Variants in CYP3A7 observed in about 807,000 individuals in gnomAD.
CYP3A7 encodes the protein cytochrome P450 3A7.
CYP3A7 carries 45 observed loss-of-function variants against 55.2 expected under a neutral mutation model. The ratio of observed to expected loss-of-function variants is 0.82; its 90% CI spans 0.64 to 1.05. The LOEUF (loss-of-function observed/expected upper bound fraction) is 1.05, where lower values mean the gene tolerates loss of function less well. CYP3A7 is among the 50% of genes least tolerant of loss of function. The pLI is 0.00. For synonymous variants in CYP3A7, 180 were observed against 207.4 expected (o/e 0.87, Z 1.13); for missense variants, 548 against 605.3 (o/e 0.91, Z 0.99).
intron 6 of CYP3A7, 35 bp from the exon 7 acceptor site, chr7:99,715,941 C>T: frequency 6.2e-7 from 1 of 1,612,866 alleles, no homozygotes. Context: ...TTAAAATCAG[C>T]ACCTCTTTAC....
chr7:99,717,659 G>C lies in CYP3A7; in HGVS notation c.319-20C>G, dbSNP rs772759971. The stretch of plus-strand genomic sequence containing the variant: ...GAAAGGCTAGAGTTCAAAGCAGAAA[G>C]ATTTTGTCCTACATCAGTTGTGGAG... On this transcript the variant is annotated intron_variant, in intron 4 of 12. Coordinates refer to ENST00000336374, the MANE Select transcript of CYP3A7 (RefSeq NM_000765.5). The C allele has an allele frequency of 8.7e-6, 14 of 1,612,682 alleles. No homozygotes were observed. Among genetic ancestry groups the C allele is most frequent in the Non-Finnish European group, 1.1e-5 (13 of 1,179,192 alleles).
intron 2 of CYP3A7, among the ~76,000 whole-genome samples, chr7:99,722,857 T>C (rs894407711): frequency 5.9e-5 from 9 of 152,210 alleles, no homozygotes; most frequent in Non-Finnish European, 4.4e-5. Context: ...CTAGCAGATT[T>C]AGATAAGTGT....
At position 99,735,011 on chromosome 7, in the gene CYP3A7, A is replaced by G; in HGVS notation, c.71+12T>C. ...AAGGAAACAGAGAAGAGGAGCCTGAACAGTTACTCACAGATAGAGGAGTAT... is the reference window on the plus strand; with the variant it reads ...AAGGAAACAGAGAAGAGGAGCCTGAGCAGTTACTCACAGATAGAGGAGTAT... On this transcript the variant is annotated intron_variant, in intron 1 of 12. Coordinates refer to ENST00000336374, the MANE Select transcript of CYP3A7 (RefSeq NM_000765.5). The G allele has an allele frequency of 1.9e-6, 3 of 1,614,058 alleles. No individual in the cohort carries two copies. Among genetic ancestry groups the G allele is most frequent in the Non-Finnish European group, 2.5e-6 (3 of 1,179,942 alleles).
chr7:99,715,650 C>T, intron 7 of CYP3A7, 108 bp downstream of exon 7: 1 of 1,569,904 alleles, frequency 6.4e-7, no homozygotes, highest in Non-Finnish European at 8.7e-7. Context: ...GTACTACAAA[C>T]CATTAAACTG....
In CYP3A7 at chr7:99,735,045, C is replaced by T. The variant is rs1421930031; in HGVS notation, c.49G>A (p.Val17Ile). 6.2e-7 allele frequency: 1 copy of T among 1,614,140 alleles called. No homozygotes were observed. The highest frequency in any genetic ancestry group is 8.5e-7 in the Non-Finnish European group (1 of 1,179,984). ...LAVETWLLLA[V>I]SLILLYLYGT... is the part of the protein sequence containing the mutation. The stretch of plus-strand genomic sequence containing the variant: ...CACAGATAGAGGAGTATCAGGCTGA[C>T]AGCCAGGAGAAGCCAGGTTTCCACG... Residue 17 changes from valine (V) to isoleucine (I), a missense_variant, in exon 1 of 13, where the codon GTC (valine) becomes ATC (isoleucine). Physicochemically the swap from Val to Ile is conservative, Grantham distance 29 (BLOSUM62 3). Coordinates refer to ENST00000336374, the MANE Select transcript of CYP3A7 (RefSeq NM_000765.5).
Position 99,707,971 on chromosome 7 carries a change from G to C in CYP3A7, c.1257C>G (p.Phe419Leu). ...TEPEKFLPER[F>L]SKKNKDNIDP... ...CTATGTTGTCCTTGTTCTTTTTACT[G>C]AACCTGGTTCCATATTGGTAGATAT... The change falls in exon 12 of 13, where the codon TTC becomes TTG. Residue 419 changes from phenylalanine to leucine, a missense_variant. By Grantham distance (22) the Phe-to-Leu change is conservative (BLOSUM62 0). Transcript: ENST00000336374. The C allele has an allele frequency of 6.2e-7, 1 of 1,613,796 alleles. No individual in the cohort carries two copies. Among genetic ancestry groups the C allele is most frequent in the African/African-American group, 1.3e-5 (1 of 75,010 alleles).
In CYP3A7 at chr7:99,732,884, C is replaced by A. The variant is rs548838041; in HGVS notation, c.72-1732G>T. Among the ~76,000 whole-genome samples, 7 of 151,640 alleles carry A rather than the reference C, an allele frequency of 4.6e-5. No homozygotes were observed. The South Asian group carries it at 8.3e-4, about 18-fold the overall frequency. On this transcript the variant is annotated intron_variant, in intron 1 of 12. Coordinates refer to ENST00000336374, the MANE Select transcript of CYP3A7 (RefSeq NM_000765.5). The stretch of plus-strand genomic sequence containing the variant: ...AAGATGGAGTATTCCACATAAGTAA[C>A]CATAAAATGTTCCAGATAGTTGAAT...
Position 99,714,695 on chromosome 7 carries a change from A to G in CYP3A7, c.671-13T>C. 1 of 1,610,324 alleles carries G rather than the reference A, an allele frequency of 6.2e-7. No homozygotes were observed. Among genetic ancestry groups the G allele is most frequent in the South Asian group, 1.1e-5 (1 of 90,498 alleles). On this transcript the variant is annotated splice_polypyrimidine_tract_variant and intron_variant, in intron 7 of 12. Transcript: ENST00000336374. ...AATGGAAAGACTTCTGTAGAAAAAAAAAACCAACAGAAAACGAAACCATTG... is the reference window on the plus strand; with the variant it reads ...AATGGAAAGACTTCTGTAGAAAAAAGAAACCAACAGAAAACGAAACCATTG...
At position 99,726,692 on chromosome 7, in the gene CYP3A7, C is replaced by T. The variant is rs184999420; in HGVS notation, c.166-4344G>A. On this transcript the variant is annotated intron_variant, in intron 2 of 12. Coordinates refer to ENST00000336374, the MANE Select transcript of CYP3A7 (RefSeq NM_000765.5). ...CTCTCTCTCATGATTTACTTTCTTC[C>T]CATCCCTCTGCTTCCCACATTATTC... 2.0e-5 allele frequency among the ~76,000 whole-genome samples: 3 copies of T among 152,282 alleles called. No homozygotes were observed. In the East Asian group the frequency reaches 5.8e-4, roughly 29 times the overall value.
intron 4 of CYP3A7, among the ~76,000 whole-genome samples, chr7:99,717,910 AC>A (rs1399339137): frequency 1.3e-5 from 2 of 152,132 alleles, no homozygotes. Context: ...CAGGATCAAC[AC>A]CTAGCACGCG....
intron 1 of CYP3A7, among the ~76,000 whole-genome samples, chr7:99,734,785 C>G (rs1421584637): frequency 2.6e-5 from 4 of 151,952 alleles, no homozygotes; most frequent in Non-Finnish European, 5.9e-5. Flanking sequence ...CCATGCCCAG[C>G]TAATTTTTGT....
intron 2 of CYP3A7, among the ~76,000 whole-genome samples, chr7:99,730,324 G>T (rs1410274527): frequency 6.6e-6 from 1 of 152,130 alleles, no homozygotes; most frequent in Non-Finnish European, 1.5e-5. Flanking sequence ...TTCATATTGT[G>T]CTTAAATATC....
rs375337163 is a variant in CYP3A7 at position 99,717,436 on chromosome 7, C to A, written c.432+90G>T. 4 of 1,588,008 alleles carry A rather than the reference C, an allele frequency of 2.5e-6. No homozygotes were observed. In the East Asian group the frequency reaches 9.1e-5, roughly 36 times the overall value. ...GGAAGCTCAAATTCAGCAGACTACT[C>A]CTCGGAAAGGAACTCTGATCTTACT... On this transcript the variant is annotated intron_variant, in intron 5 of 12. Coordinates refer to ENST00000336374, the MANE Select transcript of CYP3A7 (RefSeq NM_000765.5).
intron 9 of CYP3A7, among the ~76,000 whole-genome samples, chr7:99,712,535 A>G (rs1446042158): frequency 1.3e-5 from 2 of 152,228 alleles, no homozygotes. Flanking sequence ...TGATTTCTAG[A>G]TGAAACACTA....
chr7:99,717,458 T>TA (rs1814003304), intron 5 of CYP3A7, 68 bp downstream of exon 5: 1 of 1,600,566 alleles, frequency 6.2e-7, no homozygotes, highest in Non-Finnish European at 8.5e-7. Flanking sequence ...ACTCTGATCT[T>TA]ACTTTCTACC....
intron 9 of CYP3A7, among the ~76,000 whole-genome samples, chr7:99,712,536 T>C (rs1032112124): frequency 2.6e-5 from 4 of 152,242 alleles, no homozygotes; most frequent in African/African-American, 9.6e-5. Flanking sequence ...GATTTCTAGA[T>C]GAAACACTAA....
intron 4 of CYP3A7, among the ~76,000 whole-genome samples, chr7:99,719,736 T>C (rs1229983483): frequency 1.3e-5 from 2 of 152,190 alleles, no homozygotes; most frequent in African/African-American, 4.8e-5. Context: ...ATCTTGATCA[T>C]GCTGGTCATT....
intron 2 of CYP3A7, among the ~76,000 whole-genome samples, chr7:99,726,158 C>T (rs1463621868): frequency 6.6e-6 from 1 of 152,100 alleles, no homozygotes; most frequent in Non-Finnish European, 1.5e-5. Context: ...CACCTTAACC[C>T]ACAGGTATGG....
At chr7:99,722,506 G>A (rs1814244242) in intron 2 of CYP3A7, among the ~76,000 whole-genome samples, 158 bp from the exon 3 acceptor site, 2 of 152,186 alleles carry the variant, frequency 1.3e-5, no homozygotes, top group East Asian at 1.9e-4. Context: ...AAACAAAATA[G>A]AGGAGGTATT....
Sources: gnomAD v4.1 joint callset for allele counts (sites outside exome capture counted in the v4.1 genomes callset) on GRCh38, gnomAD v4.1.1 for gene constraint, MANE v1.5 for transcripts, NCBI Gene and HGNC (gene_info 2026-07-23, HGNC 2026-07-21) for gene names.